The following PLAA variants were observed in gnomAD, a reference collection of about 807,000 sequenced individuals.
The protein encoded by PLAA is phospholipase A-2-activating protein.
A neutral mutation model predicts 84.1 loss-of-function variants in PLAA; 48 were observed. The observed-to-expected ratio is 0.57, with a 90% CI of 0.45 to 0.73. The LOEUF (loss-of-function observed/expected upper bound fraction) is 0.73, where lower values mean the gene tolerates loss of function less well. PLAA is among the 30% of genes least tolerant of loss of function. The pLI, the probability that PLAA is intolerant of heterozygous loss-of-function variation, is 0.00. For missense variants in PLAA, 903 were observed against 954.7 expected (o/e 0.95, Z 0.71); for synonymous variants, 392 against 336.6 (o/e 1.16, Z -1.80).
chr9:26,910,823 T>G (rs904630100), intron 11 of PLAA, among the ~76,000 whole-genome samples: 1 of 152,074 alleles, frequency 6.6e-6, no homozygotes, highest in African/African-American at 2.4e-5. Flanking sequence ...GAGCCTGGTC[T>G]AAGATTAAAT....
intron 13 of PLAA, among the ~76,000 whole-genome samples, chr9:26,906,764 G>C (rs950084490): frequency 6.6e-6 from 1 of 152,028 alleles, no homozygotes; most frequent in Non-Finnish European, 1.5e-5. Context: ...GTTAACAAGT[G>C]ATAGGATGCT....
At chr9:26,926,180 T>G (rs1028240289) in intron 5 of PLAA, among the ~76,000 whole-genome samples, 9 of 152,186 alleles carry the variant, frequency 5.9e-5, no homozygotes, top group African/African-American at 2.2e-4. Flanking sequence ...CAAGAACTTT[T>G]TACAGCACAA....
chr9:26,924,613 C>G (rs1024104889), intron 6 of PLAA, among the ~76,000 whole-genome samples: 12 of 152,128 alleles, frequency 7.9e-5, no homozygotes, highest in African/African-American at 2.9e-4. Flanking sequence ...GCTTTTCAAA[C>G]TTTCCATTCT....
chr9:26,919,425 T>C lies in PLAA; in HGVS notation c.1302A>G (p.Leu434=). Reference sequence around the variant, plus strand: ...ACATAGGATTCAAATCATTCTTCTGTAAGAAGTTGTATGCAGTTAACCAAG... The same window carrying C: ...ACATAGGATTCAAATCATTCTTCTGCAAGAAGTTGTATGCAGTTAACCAAG... ...DDPWLTAYNF[L]QKNDLNPMFL... is the part of the protein sequence containing the mutation. Residue 434 remains leucine, a synonymous_variant, in exon 9 of 14, where the codon TTA becomes TTG. Coordinates refer to ENST00000397292, the MANE Select transcript of PLAA (RefSeq NM_001031689.3). 1.2e-6 allele frequency: 2 copies of C among 1,611,196 alleles called. No homozygotes were observed. Among genetic ancestry groups the C allele is most frequent in the Non-Finnish European group, 1.7e-6 (2 of 1,177,498 alleles).
intron 1 of PLAA, among the ~76,000 whole-genome samples, chr9:26,941,400 A>G (rs1298385427): frequency 6.6e-6 from 1 of 152,176 alleles, no homozygotes; most frequent in East Asian, 1.9e-4. Flanking sequence ...TCCTCTAGGC[A>G]GCAGATCAGC....
At chr9:26,907,338 G>C (rs534237287) in intron 13 of PLAA, among the ~76,000 whole-genome samples, 1 of 152,026 alleles carries the variant, frequency 6.6e-6, no homozygotes, top group East Asian at 2.0e-4. Context: ...GACCATCCTG[G>C]CTAACGTGGT....
rs1166762877 is a variant in PLAA at position 26,906,015 on chromosome 9, C to T, written c.1884G>A (p.Glu628=). 1 of 1,612,502 alleles carries T rather than the reference C, an allele frequency of 6.2e-7. No individual in the cohort carries two copies. Among genetic ancestry groups the T allele is most frequent in the Admixed American group, 1.7e-5 (1 of 59,912 alleles). Residue 628 remains glutamate (E), a synonymous_variant, in exon 14 of 14, where the codon GAG becomes GAA. Coordinates refer to ENST00000397292, the MANE Select transcript of PLAA (RefSeq NM_001031689.3). The stretch of plus-strand genomic sequence containing the variant: ...CCCCTTCCTTTTCATTGCAGAAGTT[C>T]TCATTCACACTGGGGTGTTTAATTG... The part of the protein sequence containing the change: ...RLSIKHPSVN[E]NFCNEKEGAQ...
Position 26,947,098 on chromosome 9 carries a change from CAGGGGCGACTCGGAG to C in PLAA, c.-68_-54del, listed in dbSNP as rs1825757801. On this transcript the variant is annotated 5_prime_UTR_variant, in exon 1 of 14. Coordinates refer to ENST00000397292, the MANE Select transcript of PLAA (RefSeq NM_001031689.3). ...CCAGGCACTGTGCGAGACCAGTCCG[CAGGGGCGACTCGGAG>C]AGCGCCGGGCCGCGGCGGGAGAAGA... 1 of 1,437,124 alleles carries C rather than the reference CAGGGGCGACTCGGAG, an allele frequency of 7.0e-7. No individual in the cohort carries two copies. The highest frequency in any genetic ancestry group is 9.1e-7 in the Non-Finnish European group (1 of 1,093,120). The allele number at this position is 1,437,124 out of a possible 1,614,324, so 89.0% of individuals were successfully genotyped here.
At chr9:26,934,892 C>T in intron 2 of PLAA, 121 bp downstream of exon 2, 1 of 730,880 alleles carries the variant, frequency 1.4e-6, no homozygotes, top group South Asian at 2.1e-5. Flanking sequence ...GTTTCCATTA[C>T]CAAACCACAG....
intron 7 of PLAA, among the ~76,000 whole-genome samples, chr9:26,922,064 C>T (rs1824781045): frequency 6.6e-6 from 1 of 152,152 alleles, no homozygotes; most frequent in Non-Finnish European, 1.5e-5. Context: ...AAAAATAGCA[C>T]TCCATGAAAA....
chr9:26,942,242 G>A (rs1207760810), intron 1 of PLAA, among the ~76,000 whole-genome samples: 1 of 152,196 alleles, frequency 6.6e-6, no homozygotes, highest in Non-Finnish European at 1.5e-5. Context: ...CCAACCAAGA[G>A]AAAGCTAAAG....
chr9:26,938,207 T>C (rs941627265), intron 1 of PLAA, among the ~76,000 whole-genome samples: 4 of 152,168 alleles, frequency 2.6e-5, no homozygotes, highest in African/African-American at 9.7e-5. Flanking sequence ...AGATTTCTCA[T>C]CAAAAACTTT....
chr9:26,930,540 T>C (rs993273166), intron 2 of PLAA, among the ~76,000 whole-genome samples: 1 of 151,878 alleles, frequency 6.6e-6, no homozygotes, highest in Non-Finnish European at 1.5e-5. Context: ...ATGTTGAACA[T>C]GTAGGGTTAA....
intron 6 of PLAA, among the ~76,000 whole-genome samples, chr9:26,923,796 T>C (rs1824849051): frequency 6.6e-6 from 1 of 152,092 alleles, no homozygotes; most frequent in Non-Finnish European, 1.5e-5. Context: ...GTAACTTCAA[T>C]CAAGGAAAAA....
At chr9:26,939,076 A>C (rs541755213) in intron 1 of PLAA, among the ~76,000 whole-genome samples, 1 of 152,308 alleles carries the variant, frequency 6.6e-6, no homozygotes, top group South Asian at 2.1e-4. Context: ...CACTAAGGAA[A>C]TGGGGAAGGA....
At chr9:26,940,443 G>C (rs1214239930) in intron 1 of PLAA, among the ~76,000 whole-genome samples, 1 of 152,222 alleles carries the variant, frequency 6.6e-6, no homozygotes, top group Non-Finnish European at 1.5e-5. Context: ...GGAACTTAGA[G>C]CTGTCAAAAT....
chr9:26,945,630 C>T (rs957141946), intron 1 of PLAA, among the ~76,000 whole-genome samples: 2 of 152,204 alleles, frequency 1.3e-5, no homozygotes, highest in Non-Finnish European at 2.9e-5. Context: ...GCAGAAACTT[C>T]TCAACACGGA....
chr9:26,910,968 T>C (rs1298259576), intron 11 of PLAA, among the ~76,000 whole-genome samples: 1 of 152,252 alleles, frequency 6.6e-6, no homozygotes, highest in East Asian at 1.9e-4. Flanking sequence ...TAGTAGGTAT[T>C]ATCATTTTCT....
chr9:26,947,078 C>G lies in PLAA; in HGVS notation c.-33G>C. On this transcript the variant is annotated 5_prime_UTR_variant, in exon 1 of 14. Transcript: ENST00000397292. ...GTCTGTCTGGCGCCCGGTGCCCAGG[C>G]ACTGTGCGAGACCAGTCCGCAGGGG... 6.5e-7 allele frequency: 1 copy of G among 1,539,540 alleles called. No homozygotes were observed. The highest frequency in any genetic ancestry group is 8.7e-7 in the Non-Finnish European group (1 of 1,143,702).
Sources: allele counts gnomAD v4.1 joint callset (sites outside exome capture counted in the v4.1 genomes callset), GRCh38; gene constraint gnomAD v4.1.1; transcripts MANE v1.5; gene names NCBI Gene and HGNC (gene_info 2026-07-23, HGNC 2026-07-21).